Variants in PTH2R observed in about 807,000 individuals in gnomAD.
PTH2R encodes the protein PTH2 receptor.
In PTH2R, 59 loss-of-function variants were observed where a neutral mutation model predicts 60.3. The ratio of observed to expected loss-of-function variants is 0.98; its 90% CI spans 0.79 to 1.22. The LOEUF is 1.22. Among genes scored for constraint, PTH2R ranks in the 50% most tolerant of loss-of-function variants. PTH2R has a pLI of 0.00. For synonymous variants in PTH2R, 256 were observed against 243.8 expected (o/e 1.05, Z -0.47); for missense variants, 749 against 682.6 (o/e 1.10, Z -1.08).
chr2:208,460,304 G>T (rs574685108), intron 9 of PTH2R, among the ~76,000 whole-genome samples: 1 of 152,230 alleles, frequency 6.6e-6, no homozygotes, highest in African/African-American at 2.4e-5. Flanking sequence ...CCTGGTAGTA[G>T]GTCAGTGTGA....
chr2:208,463,304 GC>G (rs1702669542), intron 9 of PTH2R, among the ~76,000 whole-genome samples: 1 of 152,008 alleles, frequency 6.6e-6, no homozygotes, highest in Non-Finnish European at 1.5e-5. Context: ...CTGTATGCCT[GC>G]CATACTGTTC....
chr2:208,445,465 T>C (rs1702270637), intron 7 of PTH2R, among the ~76,000 whole-genome samples: 1 of 152,162 alleles, frequency 6.6e-6, no homozygotes. Flanking sequence ...GATTTAGCAG[T>C]ACAAGGGGGA....
intron 1 of PTH2R, among the ~76,000 whole-genome samples, chr2:208,415,411 G>A (rs979309364): frequency 4.6e-5 from 7 of 152,070 alleles, no homozygotes; most frequent in Admixed American, 6.6e-5. Flanking sequence ...CTACCGCTTC[G>A]CATGGCTGTT....
In PTH2R at chr2:208,478,534, C is replaced by T. The variant is rs150533828; in HGVS notation, c.982-2536C>T. Among the ~76,000 whole-genome samples the T allele has an allele frequency of 6.6e-5, 10 of 152,334 alleles. No homozygotes were observed. In the East Asian group the frequency reaches 1.9e-3, roughly 29 times the overall value. On this transcript the variant is annotated intron_variant, in intron 9 of 12. Transcript: ENST00000272847. Reference sequence around the variant, plus strand: ...ACTCTCAAGTCTTTGTTCTTTTTCCCTCCCTTTCGGAGGATTCTTCAGGTG... The same window carrying T: ...ACTCTCAAGTCTTTGTTCTTTTTCCTTCCCTTTCGGAGGATTCTTCAGGTG...
intron 9 of PTH2R, among the ~76,000 whole-genome samples, chr2:208,477,973 C>CTAG (rs1703055664): frequency 4.1e-5 from 1 of 24,588 alleles, no homozygotes; most frequent in African/African-American, 8.1e-5. Flanking sequence ...AGTACTAGTA[C>CTAG]TACTAGCACT....
intron 1 of PTH2R, among the ~76,000 whole-genome samples, chr2:208,408,642 T>C (rs1195206163): frequency 6.7e-6 from 1 of 150,262 alleles, no homozygotes; most frequent in Non-Finnish European, 1.5e-5. Flanking sequence ...GCTATGATCA[T>C]GCCACTGCAC....
At chr2:208,368,027 AAAC>A (rs1180256121) in intron 1 of PTH2R, among the ~76,000 whole-genome samples, 15 of 8,232 alleles carry the variant, frequency 1.8e-3, no homozygotes, top group Non-Finnish European at 2.6e-3. Context: ...TCTCAAAGAC[AAAC>A]AATTACGTGA....
intron 7 of PTH2R, 132 bp from the exon 8 acceptor site, chr2:208,450,617 C>T: frequency 2.5e-6 from 2 of 814,322 alleles, no homozygotes; most frequent in Non-Finnish European, 4.0e-6. Flanking sequence ...TTCTTGTTCA[C>T]ATATCAGAAA....
chr2:208,427,532 A>G (rs1480468636), intron 1 of PTH2R, among the ~76,000 whole-genome samples: 2 of 152,204 alleles, frequency 1.3e-5, no homozygotes, highest in African/African-American at 2.4e-5. Flanking sequence ...GCATTGAGCT[A>G]TGAATATAAT....
intron 8 of PTH2R, among the ~76,000 whole-genome samples, chr2:208,452,626 C>T (rs979153867): frequency 4.6e-5 from 7 of 152,056 alleles, no homozygotes; most frequent in Non-Finnish European, 7.4e-5. Context: ...GTTTGGTCTT[C>T]GTTCAGTGAT....
chr2:208,397,505 G>A (rs146258369), intron 1 of PTH2R, among the ~76,000 whole-genome samples: 7 of 152,254 alleles, frequency 4.6e-5, no homozygotes, highest in African/African-American at 1.4e-4. Flanking sequence ...CATGTGGAGT[G>A]GCTTTAGGGA....
At chr2:208,408,740 A>AGAGAGAGAG (rs1553542827) in intron 1 of PTH2R, among the ~76,000 whole-genome samples, 6 of 123,316 alleles carry the variant, frequency 4.9e-5, no homozygotes, top group African/African-American at 2.0e-4. Context: ...GAGAGAGAGA[A>AGAGAGAGAG]AGAGAGAGAG....
chr2:208,371,715 A>G (rs965901788), intron 1 of PTH2R, among the ~76,000 whole-genome samples: 4 of 152,068 alleles, frequency 2.6e-5, no homozygotes, highest in African/African-American at 9.7e-5. Context: ...TAATTGATTT[A>G]GGGGACTTTC....
intron 8 of PTH2R, among the ~76,000 whole-genome samples, chr2:208,458,998 GTTC>G (rs138045042): frequency 0.2 from 30,525 of 151,868 alleles, 3,417 homozygotes; most frequent in East Asian, 0.47. Flanking sequence ...TTGAATGGTA[GTTC>G]TTCTTTTAGC....
chr2:208,432,554 G>A (rs1701993064), intron 2 of PTH2R, among the ~76,000 whole-genome samples: 1 of 152,206 alleles, frequency 6.6e-6, no homozygotes, highest in African/African-American at 2.4e-5. Context: ...ATATGTGAAA[G>A]GGAGTTTATT....
intron 9 of PTH2R, among the ~76,000 whole-genome samples, chr2:208,472,554 C>G (rs763890040): frequency 9.9e-5 from 15 of 152,178 alleles, no homozygotes; most frequent in African/African-American, 3.4e-4. Flanking sequence ...TTTCCCTGCA[C>G]AAGCTCTCTT....
intron 9 of PTH2R, among the ~76,000 whole-genome samples, chr2:208,467,957 G>T (rs574892173): frequency 1.3e-5 from 2 of 152,304 alleles, no homozygotes; most frequent in Non-Finnish European, 2.9e-5. Flanking sequence ...TCAACAGGGA[G>T]AATGAAGACT....
At chr2:208,400,528 G>A (rs984155203) in intron 1 of PTH2R, among the ~76,000 whole-genome samples, 1 of 152,134 alleles carries the variant, frequency 6.6e-6, no homozygotes, top group Non-Finnish European at 1.5e-5. Context: ...AGTAAAAATA[G>A]CAACATCCGG....
At chr2:208,421,627 T>C (rs1457520942) in intron 1 of PTH2R, among the ~76,000 whole-genome samples, 1 of 152,172 alleles carries the variant, frequency 6.6e-6, no homozygotes, top group Non-Finnish European at 1.5e-5. Flanking sequence ...TAAAAACATG[T>C]TTTCATTGTT....
Sources: gnomAD v4.1 joint callset for allele counts (sites outside exome capture counted in the v4.1 genomes callset) on GRCh38, gnomAD v4.1.1 for gene constraint, MANE v1.5 for transcripts, NCBI Gene and HGNC (gene_info 2026-07-23, HGNC 2026-07-21) for gene names.